Variants in ZMAT4 observed in about 807,000 individuals in gnomAD.
ZMAT4 encodes zinc finger matrin-type 4, also known as zinc finger matrin-type protein 4.
ZMAT4 carries 17 observed loss-of-function variants against 28.7 expected under a neutral mutation model. That is an observed-to-expected ratio of 0.59 (90% confidence interval 0.41 to 0.89). The LOEUF (loss-of-function observed/expected upper bound fraction) is 0.89. Ranked by LOEUF, ZMAT4 falls within the 40% of genes least tolerant of loss-of-function variation. The probability of loss-of-function intolerance (pLI) is 0.00; values close to 1 mark genes in which losing one functional copy is unlikely to be tolerated. For missense variants in ZMAT4, 240 were observed against 283.8 expected (o/e 0.85, Z 1.11); for synonymous variants, 117 against 109.2 (o/e 1.07, Z -0.44).
rs531279518 is a variant in ZMAT4 at position 40,801,281 on chromosome 8, C to G, written c.102+24294G>C. 1.0e-3 allele frequency among the ~76,000 whole-genome samples: 149 copies of G among 148,968 alleles called. 1 individual carries two copies. The highest frequency in any genetic ancestry group is 3.5e-3 in the African/African-American group (143 of 40,354). ...AAATGGGTTCACTAATGACTTCTAC[C>G]AAATATTTTAGGAAAAATTATACCA... On this transcript the variant is annotated intron_variant, in intron 2 of 6. Transcript: ENST00000297737.
chr8:40,643,789 C>CAAAAAAAAAAAAAAA (rs11416412), intron 5 of ZMAT4, among the ~76,000 whole-genome samples: 1 of 137,638 alleles, frequency 7.3e-6, no homozygotes, highest in Non-Finnish European at 1.5e-5. Flanking sequence ...TGTGTGTGTG[C>CAAAAAAAAAAAAAAA]AAAAAAAAAA....
At chr8:40,651,210 A>T (rs1215813202) in intron 5 of ZMAT4, among the ~76,000 whole-genome samples, 1 of 152,280 alleles carries the variant, frequency 6.6e-6, no homozygotes, top group East Asian at 1.9e-4. Context: ...CCTTAAGCTG[A>T]TAAGCAACTT....
At chr8:40,772,250 T>A (rs1340226205) in intron 2 of ZMAT4, among the ~76,000 whole-genome samples, 1 of 152,224 alleles carries the variant, frequency 6.6e-6, no homozygotes, top group Non-Finnish European at 1.5e-5. Context: ...CTAGGCATTG[T>A]GCGGGGACAG....
chr8:40,679,189 G>T (rs185629274), intron 4 of ZMAT4, among the ~76,000 whole-genome samples: 1 of 152,294 alleles, frequency 6.6e-6, no homozygotes, highest in African/African-American at 2.4e-5. Context: ...TGCAAGATTT[G>T]TCAAGGAGTA....
At chr8:40,625,003 G>A (rs1307057780) in intron 5 of ZMAT4, among the ~76,000 whole-genome samples, 1 of 152,216 alleles carries the variant, frequency 6.6e-6, no homozygotes, top group Non-Finnish European at 1.5e-5. Flanking sequence ...TGTGGTAAAA[G>A]GAGGGGGCAG....
chr8:40,632,863 T>G (rs1420637290), intron 5 of ZMAT4, among the ~76,000 whole-genome samples: 3 of 152,246 alleles, frequency 2.0e-5, no homozygotes, highest in Non-Finnish European at 2.9e-5. Flanking sequence ...CTTTCTGTAT[T>G]TCTCACATGT....
intron 5 of ZMAT4, among the ~76,000 whole-genome samples, chr8:40,627,751 G>A (rs572570756): frequency 3.9e-5 from 6 of 152,048 alleles, no homozygotes; most frequent in African/African-American, 1.4e-4. Flanking sequence ...TTCTTACATA[G>A]CAATGAACAT....
At chr8:40,766,877 C>T (rs1421563160) in intron 3 of ZMAT4, among the ~76,000 whole-genome samples, 4 of 152,190 alleles carry the variant, frequency 2.6e-5, no homozygotes, top group South Asian at 4.1e-4. Context: ...CACAAGCACA[C>T]GGATGGTGTG....
rs1304657897 is a variant in ZMAT4 at position 40,631,339 on chromosome 8, G to C, written c.577+43365C>G. 2.0e-5 allele frequency among the ~76,000 whole-genome samples: 3 copies of C among 152,194 alleles called. No homozygotes were observed. In the East Asian group the frequency reaches 5.8e-4, roughly 29 times the overall value. On this transcript the variant is annotated intron_variant, in intron 5 of 6. Transcript: ENST00000297737. Reference sequence around the variant, plus strand: ...CATCCAGCTAATTTTTGTATTTTTAGTAGAGATGGAATTTCACCATGTTGG... The same window carrying C: ...CATCCAGCTAATTTTTGTATTTTTACTAGAGATGGAATTTCACCATGTTGG...
chr8:40,840,172 T>A (rs1181765632), intron 1 of ZMAT4, among the ~76,000 whole-genome samples: 1 of 152,206 alleles, frequency 6.6e-6, no homozygotes, highest in Non-Finnish European at 1.5e-5. Flanking sequence ...CACTCAGCCT[T>A]CAGCAGCCTG....
intron 3 of ZMAT4, among the ~76,000 whole-genome samples, chr8:40,766,844 T>A (rs1009381634): frequency 3.9e-5 from 6 of 152,212 alleles, no homozygotes; most frequent in Non-Finnish European, 7.3e-5. Context: ...GTCATCTACA[T>A]GGCAGCAGAA....
In ZMAT4 at chr8:40,757,492, A is replaced by G. The variant is rs560043074; in HGVS notation, c.192+10149T>C. Reference sequence around the variant, plus strand: ...TCCCAACTACTTGGGAGGCTGAGGCAGGAGAATCACTGGAACCTGGAGGGC... The same window carrying G: ...TCCCAACTACTTGGGAGGCTGAGGCGGGAGAATCACTGGAACCTGGAGGGC... On this transcript the variant is annotated intron_variant, in intron 3 of 6. Coordinates refer to ENST00000297737, the MANE Select transcript of ZMAT4 (RefSeq NM_024645.3). Among the ~76,000 whole-genome samples the G allele has an allele frequency of 3.3e-5, 5 of 152,122 alleles. No individual in the cohort carries two copies. In the South Asian group the frequency reaches 1.0e-3, roughly 32 times the overall value.
intron 4 of ZMAT4, among the ~76,000 whole-genome samples, chr8:40,685,896 T>C (rs1809382568): frequency 1.3e-5 from 2 of 152,184 alleles, no homozygotes; most frequent in African/African-American, 2.4e-5. Flanking sequence ...CTTAGGCCAC[T>C]GAGCTCAGAA....
chr8:40,767,660 T>C lies in ZMAT4; in HGVS notation c.173A>G (p.Lys58Arg). 6.2e-7 allele frequency: 1 copy of C among 1,612,836 alleles called. No individual in the cohort carries two copies. Among genetic ancestry groups the C allele is most frequent in the South Asian group, 1.1e-5 (1 of 90,860 alleles). ...ACTCACATTTTCTGACCGGAGCCTC[T>C]TGGCAGGACACCCTCCATCCCTGGG... is the stretch of plus-strand genomic sequence containing the variant. ...LHPRDGGCPA[K>R]RLRSENGSDA... The change falls in exon 3 of 7, where the codon AAG becomes AGG. Residue 58 changes from lysine (K) to arginine (R), a missense_variant. By Grantham distance (26) the Lys-to-Arg change is conservative (BLOSUM62 2). Coordinates refer to ENST00000297737, the MANE Select transcript of ZMAT4 (RefSeq NM_024645.3).
At chr8:40,834,289 A>G (rs1192355135) in intron 1 of ZMAT4, among the ~76,000 whole-genome samples, 2 of 152,032 alleles carry the variant, frequency 1.3e-5, no homozygotes, top group Non-Finnish European at 2.9e-5. Context: ...GGCACATGCA[A>G]CTGATTCTTT....
chr8:40,610,234 T>C (rs1805746234), intron 5 of ZMAT4, among the ~76,000 whole-genome samples: 1 of 152,230 alleles, frequency 6.6e-6, no homozygotes, highest in African/African-American at 2.4e-5. Context: ...GATAAATCAT[T>C]TGTAGAGACA....
chr8:40,646,475 T>C (rs1206640608), intron 5 of ZMAT4, among the ~76,000 whole-genome samples: 1 of 152,108 alleles, frequency 6.6e-6, no homozygotes, highest in Admixed American at 6.5e-5. Context: ...GTGATAGTTG[T>C]CAATTTTATT....
At chr8:40,691,148 C>T (rs1246903118) in intron 4 of ZMAT4, among the ~76,000 whole-genome samples, 2 of 152,100 alleles carry the variant, frequency 1.3e-5, no homozygotes, top group Non-Finnish European at 2.9e-5. Flanking sequence ...AATATACAAC[C>T]TTGATGTATG....
intron 5 of ZMAT4, among the ~76,000 whole-genome samples, chr8:40,619,648 A>C (rs1457841663): frequency 6.6e-6 from 1 of 152,220 alleles, no homozygotes; most frequent in East Asian, 1.9e-4. Flanking sequence ...GTAGGCAGGC[A>C]CTGGAGAGCA....
Sources: gnomAD v4.1 joint callset for allele counts (sites outside exome capture counted in the v4.1 genomes callset) on GRCh38, gnomAD v4.1.1 for gene constraint, MANE v1.5 for transcripts, NCBI Gene and HGNC (gene_info 2026-07-23, HGNC 2026-07-21) for gene names.